PTGR2: variants seen among roughly 807,000 people sequenced by gnomAD.
PTGR2 encodes prostaglandin reductase 2.
PTGR2 carries 32 observed loss-of-function variants against 43.4 expected under a neutral mutation model. The ratio of observed to expected loss-of-function variants is 0.74; its 90% CI spans 0.56 to 0.99. The LOEUF (loss-of-function observed/expected upper bound fraction) is 0.99, where lower values mean the gene tolerates loss of function less well. PTGR2 is among the 50% of genes least tolerant of loss of function. The pLI, the probability that PTGR2 is intolerant of heterozygous loss-of-function variation, is 0.00. For missense variants in PTGR2, 373 were observed against 420.0 expected (o/e 0.89, Z 0.98); for synonymous variants, 106 against 139.2 (o/e 0.76, Z 1.68).
intron 1 of PTGR2, among the ~76,000 whole-genome samples, chr14:73,852,752 G>A (rs11844548): frequency 0.11 from 17,204 of 152,146 alleles, 1,277 homozygotes; most frequent in Admixed American, 0.19. Context: ...GCAAGACTTC[G>A]GGAGGGGAAG....
intron 8 of PTGR2, among the ~76,000 whole-genome samples, chr14:73,882,031 T>C (rs1003054526): frequency 7.9e-5 from 12 of 151,908 alleles, no homozygotes; most frequent in African/African-American, 2.2e-4. Flanking sequence ...GTTCTGCCCA[T>C]CCAGCCTCCC....
intron 4 of PTGR2, chr14:73,874,773 C>T (rs961778688): frequency 1.1e-5 from 4 of 348,842 alleles, no homozygotes; most frequent in Non-Finnish European, 1.7e-5. Context: ...GCATGGTAAA[C>T]AAAGGTTATC....
At chr14:73,853,975 GT>G (rs949195047) in intron 1 of PTGR2, among the ~76,000 whole-genome samples, 60 of 152,190 alleles carry the variant, frequency 3.9e-4, no homozygotes, top group African/African-American at 1.4e-3. Flanking sequence ...GATTTGCTGA[GT>G]TTTTTTCCCC....
At chr14:73,869,799 G>A (rs1352234209) in intron 3 of PTGR2, among the ~76,000 whole-genome samples, 1 of 152,118 alleles carries the variant, frequency 6.6e-6, no homozygotes. Flanking sequence ...GCTGAGGCGG[G>A]CGGATCACTT....
chr14:73,853,311 C>CT (rs1013854945), intron 1 of PTGR2, among the ~76,000 whole-genome samples: 1 of 150,810 alleles, frequency 6.6e-6, no homozygotes, highest in Non-Finnish European at 1.5e-5. Context: ...TTCTGTACCT[C>CT]TTTTTTCTTC....
At chr14:73,879,074 A>G in intron 5 of PTGR2, 22 bp from the exon 6 acceptor site, 1 of 1,597,602 alleles carries the variant, frequency 6.3e-7, no homozygotes, top group South Asian at 1.1e-5. Flanking sequence ...AAAGCCATTT[A>G]ATCTTCAAAT....
intron 9 of PTGR2, among the ~76,000 whole-genome samples, chr14:73,883,188 C>T (rs1186096802): frequency 5.2e-5 from 3 of 58,152 alleles, no homozygotes; most frequent in East Asian, 1.3e-3. Flanking sequence ...CCTCACCTCC[C>T]TTTTTTTTTT....
intron 1 of PTGR2, among the ~76,000 whole-genome samples, chr14:73,855,335 G>A (rs558125039): frequency 6.6e-6 from 1 of 152,188 alleles, no homozygotes; most frequent in South Asian, 2.1e-4. Context: ...ATATAATGAC[G>A]GTTCAGACAA....
Position 73,880,059 on chromosome 14 carries a change from A to C in PTGR2, c.734A>C (p.Asn245Thr), listed in dbSNP as rs1385434910. 2.5e-6 allele frequency: 4 copies of C among 1,613,760 alleles called. No homozygotes were observed. In the East Asian group the frequency reaches 8.9e-5, roughly 36 times the overall value. The stretch of plus-strand genomic sequence containing the variant: ...TCATTATTTTTCTCTGTGCAGATGA[A>C]TGAGAACAGCCACATCATCCTGTGT... The part of the protein sequence containing the change: ...NISDTVISQM[N>T]ENSHIILCGQ... Residue 245 changes from asparagine to threonine, a missense_variant, in exon 7 of 10, where the codon AAT becomes ACT. Physicochemically the swap from Asn to Thr is moderately conservative, Grantham distance 65 (BLOSUM62 0). Transcript: ENST00000555661.
In PTGR2 at chr14:73,870,068, G is replaced by A. The variant is rs1305163860; in HGVS notation, c.157-3955G>A. ...AAGAATCAGCTGGGCATGGTGGCTT[G>A]GGCCTGTAATTCCAGCTACTTGGGA... On this transcript the variant is annotated intron_variant, in intron 3 of 9. Transcript: ENST00000555661. Among the ~76,000 whole-genome samples, 6 of 152,094 alleles carry A rather than the reference G, an allele frequency of 3.9e-5. No individual in the cohort carries two copies. The East Asian group carries it at 1.2e-3, about 29-fold the overall frequency.
intron 3 of PTGR2, among the ~76,000 whole-genome samples, chr14:73,866,527 AGATTTTGATAGG>A (rs1199817744): frequency 1.3e-5 from 2 of 152,170 alleles, no homozygotes; most frequent in Non-Finnish European, 2.9e-5. Flanking sequence ...TCTGCACAGA[AGATTTTGATAGG>A]GATTTTGATA....
intron 3 of PTGR2, among the ~76,000 whole-genome samples, chr14:73,868,102 C>T (rs1436770980): frequency 2.6e-5 from 4 of 152,116 alleles, no homozygotes; most frequent in Non-Finnish European, 5.9e-5. Flanking sequence ...GCCTGGCCAA[C>T]ATAGTGAAAC....
intron 4 of PTGR2, among the ~76,000 whole-genome samples, chr14:73,876,082 G>C (rs1189875268): frequency 6.6e-6 from 1 of 151,944 alleles, no homozygotes; most frequent in Non-Finnish European, 1.5e-5. Flanking sequence ...GCCTCCTTAA[G>C]TACTGGGATT....
chr14:73,869,097 T>A (rs1289747253), intron 3 of PTGR2, among the ~76,000 whole-genome samples: 3 of 152,188 alleles, frequency 2.0e-5, no homozygotes, highest in Non-Finnish European at 4.4e-5. Context: ...TTTAAAGAGA[T>A]TTCCTTTGGT....
intron 3 of PTGR2, among the ~76,000 whole-genome samples, chr14:73,869,756 T>C (rs1215337310): frequency 1.3e-5 from 2 of 151,406 alleles, no homozygotes; most frequent in African/African-American, 4.9e-5. Context: ...CTGGGCGAGG[T>C]GGCTCATGCT....
At chr14:73,876,012 G>T (rs1211058429) in intron 4 of PTGR2, among the ~76,000 whole-genome samples, 38 of 150,858 alleles carry the variant, frequency 2.5e-4, no homozygotes, top group African/African-American at 8.7e-4. Context: ...GTAGAGACGG[G>T]GTTTCACCAT....
chr14:73,870,583 C>T (rs1288763435), intron 3 of PTGR2, among the ~76,000 whole-genome samples: 1 of 152,136 alleles, frequency 6.6e-6, no homozygotes, highest in Non-Finnish European at 1.5e-5. Flanking sequence ...TATGTGTACA[C>T]AGTATTTTAC....
intron 5 of PTGR2, chr14:73,878,541 G>A (rs1412783429): frequency 1.8e-5 from 4 of 223,172 alleles, no homozygotes; most frequent in Non-Finnish European, 3.7e-5. Flanking sequence ...CCAGGCTAGC[G>A]ATATCAGTAT....
chr14:73,872,183 G>A (rs1274703042), intron 3 of PTGR2, among the ~76,000 whole-genome samples: 5 of 152,218 alleles, frequency 3.3e-5, no homozygotes, highest in Admixed American at 3.3e-4. Context: ...CTTGAGATGG[G>A]GTGCAGTCCC....
Sources: gnomAD v4.1 joint callset for allele counts (sites outside exome capture counted in the v4.1 genomes callset) on GRCh38, gnomAD v4.1.1 for gene constraint, MANE v1.5 for transcripts, NCBI Gene and HGNC (gene_info 2026-07-23, HGNC 2026-07-21) for gene names.